Variants in UTY observed in about 807,000 individuals in gnomAD.
The protein encoded by UTY is ubiquitously transcribed tetratricopeptide repeat containing, Y-linked.
UTY carries 12 observed loss-of-function variants against 32.5 expected under a neutral mutation model. That is an observed-to-expected ratio of 0.37 (90% CI 0.24 to 0.60). The LOEUF (loss-of-function observed/expected upper bound fraction) is 0.60, where lower values mean the gene tolerates loss of function less well. Ranked by LOEUF, UTY falls within the 20% of genes least tolerant of loss-of-function variation. The probability of loss-of-function intolerance (pLI) is 0.69; values close to 1 mark genes in which losing one functional copy is unlikely to be tolerated. For synonymous variants in UTY, 131 were observed against 103.4 expected (o/e 1.27, Z -1.62); for missense variants, 303 against 299.2 (o/e 1.01, Z -0.09).
chrY:13,453,651 G>T (rs761424476), intron 3 of UTY, among the ~76,000 whole-genome samples: 1 of 33,516 alleles, frequency 3.0e-5, no homozygotes, highest in East Asian at 7.7e-4. Flanking sequence ...TACATAAATG[G>T]CCTATGAACA....
intron 16 of UTY, 74 bp downstream of exon 16, chrY:13,355,849 A>G: frequency 3.7e-6 from 1 of 271,563 alleles, no homozygotes; most frequent in South Asian, 4.0e-5. Context: ...AATATCCTCT[A>G]AAATGATACT....
intron 6 of UTY, among the ~76,000 whole-genome samples, chrY:13,398,125 TA>T (rs2068469580): frequency 3.0e-5 from 1 of 33,615 alleles, no homozygotes; most frequent in African/African-American, 1.2e-4. Flanking sequence ...CAACAACCTT[TA>T]AAAACTAAGT....
chrY:13,400,515 C>A, intron 6 of UTY, among the ~76,000 whole-genome samples: 1 of 33,168 alleles, frequency 3.0e-5, no homozygotes, highest in Non-Finnish European at 7.5e-5. Flanking sequence ...CTTAGCTTTG[C>A]AGTTGAATAA....
chrY:13,448,587 T>G (rs2076093325), intron 4 of UTY, among the ~76,000 whole-genome samples: 1 of 33,310 alleles, frequency 3.0e-5, no homozygotes, highest in African/African-American at 1.2e-4. Context: ...TCAAAATTAA[T>G]TGTGATGGTT....
At chrY:13,411,396 T>C in intron 5 of UTY, among the ~76,000 whole-genome samples, 2 of 34,073 alleles carry the variant, frequency 5.9e-5, no homozygotes, top group African/African-American at 2.3e-4. Flanking sequence ...CAGGAAAATG[T>C]GAAAAGGTGA....
intron 4 of UTY, among the ~76,000 whole-genome samples, chrY:13,418,305 A>G (rs370093116): frequency 9.2e-3 from 292 of 31,714 alleles, no homozygotes; most frequent in South Asian, 0.031. Flanking sequence ...AATCCAGTCT[A>G]TCATTAATGG....
At chrY:13,374,754 G>T in intron 8 of UTY, among the ~76,000 whole-genome samples, 2 of 33,598 alleles carry the variant, frequency 6.0e-5, no homozygotes, top group African/African-American at 1.2e-4. Flanking sequence ...AGGTGTGCTT[G>T]CTAATAGTGT....
At chrY:13,409,577 G>T (rs2070601746) in intron 6 of UTY, among the ~76,000 whole-genome samples, 1 of 33,917 alleles carries the variant, frequency 2.9e-5, no homozygotes, top group Non-Finnish European at 7.4e-5. Context: ...TCAAAGAAAG[G>T]TATGAATCTT....
At chrY:13,312,185 G>T in intron 21 of UTY, among the ~76,000 whole-genome samples, 1 of 33,264 alleles carries the variant, frequency 3.0e-5, no homozygotes, top group Admixed American at 2.7e-4. Flanking sequence ...GAGGTCAGGA[G>T]ATCGAGACCA....
chrY:13,358,006 G>T (rs1185907439), intron 14 of UTY, 37 bp from the exon 15 acceptor site: 1 of 346,803 alleles, frequency 2.9e-6, no homozygotes, highest in Admixed American at 8.1e-5. Context: ...AAGAATATTT[G>T]CTTAATTTCA....
intron 27 of UTY, 56 bp from the exon 28 acceptor site, chrY:13,260,460 G>T: frequency 3.3e-6 from 1 of 303,072 alleles, no homozygotes; most frequent in Non-Finnish European, 4.7e-6. Context: ...TACATAAAAG[G>T]TATACCAATT....
chrY:13,241,420 A>G, intron 28 of UTY, among the ~76,000 whole-genome samples: 3 of 33,715 alleles, frequency 8.9e-5, no homozygotes, highest in Non-Finnish European at 2.2e-4. Flanking sequence ...AATAGTACAA[A>G]GATCTCAACT....
At chrY:13,440,536 C>T in intron 4 of UTY, among the ~76,000 whole-genome samples, 1 of 33,247 alleles carries the variant, frequency 3.0e-5, no homozygotes, top group African/African-American at 1.2e-4. Flanking sequence ...TCTCTGTGCA[C>T]CCACACTACT....
chrY:13,356,170 T>C, intron 15 of UTY, 152 bp from the exon 16 acceptor site: 1 of 127,315 alleles, frequency 7.9e-6, no homozygotes. Flanking sequence ...TTTTTTTTGT[T>C]GTTGAGACAG....
chrY:13,298,508 G>A (rs2058191878), intron 26 of UTY, among the ~76,000 whole-genome samples: 3 of 32,725 alleles, frequency 9.2e-5, no homozygotes, highest in Non-Finnish European at 1.5e-4. Flanking sequence ...TAATCTCAGC[G>A]CTTTGAAAGG....
At chrY:13,254,399 T>C in intron 28 of UTY, among the ~76,000 whole-genome samples, 2 of 33,445 alleles carry the variant, frequency 6.0e-5, no homozygotes, top group Admixed American at 5.5e-4. Context: ...TCCTGAAATA[T>C]GTCCAAAATG....
intron 4 of UTY, among the ~76,000 whole-genome samples, chrY:13,439,534 C>T (rs916889888): frequency 9.1e-5 from 3 of 32,908 alleles, no homozygotes; most frequent in African/African-American, 3.6e-4. Flanking sequence ...GCGCACCATC[C>T]CCAGAGTTCA....
At chrY:13,363,920 G>C in intron 10 of UTY, among the ~76,000 whole-genome samples, 9 of 33,492 alleles carry the variant, frequency 2.7e-4, no homozygotes, top group Admixed American at 1.6e-3. Context: ...TCCTGAACTT[G>C]AGTGGTGGGT....
intron 8 of UTY, among the ~76,000 whole-genome samples, chrY:13,376,154 C>T: frequency 3.0e-5 from 1 of 32,934 alleles, no homozygotes; most frequent in Non-Finnish European, 7.5e-5. Context: ...ATTATTACTA[C>T]TGTTGGGTTT....
Sources: gnomAD v4.1 joint callset for allele counts (sites outside exome capture counted in the v4.1 genomes callset) on GRCh38, gnomAD v4.1.1 for gene constraint, MANE v1.5 for transcripts, NCBI Gene and HGNC (gene_info 2026-07-23, HGNC 2026-07-21) for gene names.